The following MTA3 variants were observed in gnomAD, a reference collection of about 807,000 sequenced individuals.
The protein encoded by MTA3 is metastasis associated 1 family member 3.
Under a neutral mutation model 83.5 loss-of-function variants are expected in MTA3, and 34 were observed. The ratio of observed to expected loss-of-function variants is 0.41; its 90% confidence interval spans 0.31 to 0.54. The LOEUF is 0.54. Among genes scored for constraint, MTA3 ranks in the 20% least tolerant of loss-of-function variants. MTA3 has a pLI of 0.33. For missense variants in MTA3, 761 were observed against 726.4 expected (o/e 1.05, Z -0.55); for synonymous variants, 303 against 252.7 (o/e 1.20, Z -1.89).
At chr2:42,714,095 G>A (rs901322283) in intron 14 of MTA3, among the ~76,000 whole-genome samples, 2 of 152,140 alleles carry the variant, frequency 1.3e-5, no homozygotes, top group African/African-American at 2.4e-5. Flanking sequence ...TTTGAAACCC[G>A]TGACTAATTG....
At position 42,674,268 on chromosome 2, in the gene MTA3, G is replaced by A. The variant is rs143973335; in HGVS notation, c.703-8133G>A. Among the ~76,000 whole-genome samples the A allele has an allele frequency of 6.2e-4, 95 of 152,278 alleles. 2 individuals are homozygous for A. The East Asian group carries it at 0.01, about 16-fold the overall frequency. Reference sequence around the variant, plus strand: ...ACTCTCCTGTGGAGGTGTGGGGGAGGGAATGAATATTTGCTGAACAATAGT... The same window carrying A: ...ACTCTCCTGTGGAGGTGTGGGGGAGAGAATGAATATTTGCTGAACAATAGT... On this transcript the variant is annotated intron_variant, in intron 8 of 16. Coordinates refer to ENST00000405094, the MANE Select transcript of MTA3 (RefSeq NM_001330442.2).
intron 2 of MTA3, among the ~76,000 whole-genome samples, chr2:42,501,749 G>A (rs1025200708): frequency 5.9e-5 from 9 of 152,244 alleles, no homozygotes; most frequent in East Asian, 1.9e-4. Flanking sequence ...AGGCCGAGGC[G>A]TGTGGATCAC....
intron 8 of MTA3, among the ~76,000 whole-genome samples, chr2:42,679,454 A>G (rs1441045210): frequency 6.6e-6 from 1 of 152,264 alleles, no homozygotes; most frequent in Non-Finnish European, 1.5e-5. Context: ...ACTAAAGCAC[A>G]GAGTGAAGCA....
chr2:42,655,904 G>A lies in MTA3; in HGVS notation c.500-296G>A, dbSNP rs538495909. On this transcript the variant is annotated intron_variant, in intron 6 of 16. Coordinates refer to ENST00000405094, the MANE Select transcript of MTA3 (RefSeq NM_001330442.2). ...AGGTGCAGGCCACCGCACCCAGCCT[G>A]TTGCATTTTCATCTTTATGTCTCTT... Among the ~76,000 whole-genome samples the A allele has an allele frequency of 3.9e-5, 6 of 152,272 alleles. No individual in the cohort carries two copies. The East Asian group carries it at 1.2e-3, about 29-fold the overall frequency.
intron 2 of MTA3, among the ~76,000 whole-genome samples, chr2:42,541,317 C>T (rs1469953806): frequency 6.6e-6 from 1 of 152,202 alleles, no homozygotes; most frequent in Non-Finnish European, 1.5e-5. Flanking sequence ...AGGCGTGAGC[C>T]ACTGCGCCCA....
chr2:42,563,831 C>CCTTA (rs1468990559), upstream of MTA3, among the ~76,000 whole-genome samples: 47 of 134,542 alleles, frequency 3.5e-4, no homozygotes, highest in Admixed American at 1.1e-3. Context: ...TTCCTTCCTT[C>CCTTA]CTTTCTTTTT....
At chr2:42,672,278 C>G (rs905527705) in intron 8 of MTA3, among the ~76,000 whole-genome samples, 1 of 151,066 alleles carries the variant, frequency 6.6e-6, no homozygotes, top group African/African-American at 2.4e-5. Flanking sequence ...GGGAAGATCA[C>G]TTAAAAGCTT....
intron 10 of MTA3, 75 bp downstream of exon 10, chr2:42,695,914 C>T (rs1303235978): frequency 1.8e-5 from 17 of 953,638 alleles, no homozygotes; most frequent in East Asian, 1.1e-4. Context: ...TATTTTTTGG[C>T]GATGTACTAC....
At chr2:42,539,319 T>G (rs1676415861) in intron 2 of MTA3, among the ~76,000 whole-genome samples, 1 of 151,862 alleles carries the variant, frequency 6.6e-6, no homozygotes, top group Non-Finnish European at 1.5e-5. Context: ...CTTACAGTCA[T>G]GGAAGGGGAA....
intron 6 of MTA3, among the ~76,000 whole-genome samples, chr2:42,650,060 T>C (rs1352715499): frequency 6.6e-6 from 1 of 152,240 alleles, no homozygotes. Context: ...ATTGGTAGTT[T>C]TGCAGAATAT....
chr2:42,634,431 G>A (rs915044591), intron 4 of MTA3, among the ~76,000 whole-genome samples: 2 of 152,184 alleles, frequency 1.3e-5, no homozygotes, highest in African/African-American at 4.8e-5. Context: ...GGAAGGGGAA[G>A]CAGGCATGTC....
intron 4 of MTA3, among the ~76,000 whole-genome samples, chr2:42,628,050 A>T (rs1215752495): frequency 6.6e-6 from 1 of 150,986 alleles, no homozygotes; most frequent in African/African-American, 2.4e-5. Flanking sequence ...ACGCCCAGCT[A>T]ATTTTTGTAT....
At chr2:42,697,625 CAGT>C (rs1693505171) in intron 10 of MTA3, 148 bp from the exon 11 acceptor site, 2 of 552,660 alleles carry the variant, frequency 3.6e-6, no homozygotes, top group East Asian at 6.8e-5. Context: ...GACATTATTG[CAGT>C]TTAAGAATAT....
chr2:42,524,482 T>G (rs979154595), intron 2 of MTA3, among the ~76,000 whole-genome samples: 10 of 62,478 alleles, frequency 1.6e-4, no homozygotes, highest in East Asian at 1.3e-3. Flanking sequence ...GTTTTTTTTT[T>G]TTTTTTTTTT....
At chr2:42,731,633 T>C (rs1290875906) in intron 16 of MTA3, among the ~76,000 whole-genome samples, 1 of 152,144 alleles carries the variant, frequency 6.6e-6, no homozygotes, top group Non-Finnish European at 1.5e-5. Context: ...GGAGATACAA[T>C]TCAAGTTGAG....
At chr2:42,508,274 T>C (rs530777048) in intron 2 of MTA3, among the ~76,000 whole-genome samples, 3 of 152,274 alleles carry the variant, frequency 2.0e-5, no homozygotes, top group Non-Finnish European at 2.9e-5. Context: ...AAATCTAACT[T>C]GTCCAAACCC....
intron 4 of MTA3, among the ~76,000 whole-genome samples, chr2:42,627,934 G>A (rs940522987): frequency 2.6e-5 from 4 of 151,802 alleles, no homozygotes; most frequent in African/African-American, 9.7e-5. Context: ...GCCCAGGCTG[G>A]AGTGCAGCGG....
intron 4 of MTA3, among the ~76,000 whole-genome samples, chr2:42,620,074 G>C (rs906935828): frequency 6.6e-6 from 1 of 151,066 alleles, no homozygotes; most frequent in Admixed American, 6.6e-5. Flanking sequence ...CACGTTGACA[G>C]TGTTTGCAAC....
chr2:42,735,276 T>C (rs1209494568), intron 16 of MTA3, among the ~76,000 whole-genome samples: 1 of 152,194 alleles, frequency 6.6e-6, no homozygotes, highest in Admixed American at 6.5e-5. Flanking sequence ...GCACTTTAAA[T>C]ATATCGTGAC....
Sources: allele counts gnomAD v4.1 joint callset (sites outside exome capture counted in the v4.1 genomes callset), GRCh38; gene constraint gnomAD v4.1.1; transcripts MANE v1.5; gene names NCBI Gene and HGNC (gene_info 2026-07-23, HGNC 2026-07-21).